The following ARL15 variants were observed in gnomAD, a reference collection of about 807,000 sequenced individuals.
The protein encoded by ARL15 is ARF like GTPase 15, also known as ADP-ribosylation factor-like protein 15.
ARL15 carries 19 observed loss-of-function variants against 25.2 expected under a neutral mutation model. That is an observed-to-expected ratio of 0.75 (90% CI 0.53 to 1.10). The LOEUF is 1.10. ARL15 is among the 50% of genes least tolerant of loss of function. The pLI is 0.00. For missense variants in ARL15, 220 were observed against 246.0 expected (o/e 0.89, Z 0.71); for synonymous variants, 94 against 86.8 (o/e 1.08, Z -0.46).
chr5:53,962,360 T>C (rs1206948067), intron 4 of ARL15, among the ~76,000 whole-genome samples: 6 of 152,098 alleles, frequency 3.9e-5, no homozygotes, highest in Admixed American at 6.6e-5. Flanking sequence ...TAATATAACA[T>C]ATCTGGAACT....
At chr5:53,940,579 C>A (rs531960320) in intron 4 of ARL15, among the ~76,000 whole-genome samples, 3 of 152,044 alleles carry the variant, frequency 2.0e-5, no homozygotes, top group African/African-American at 7.2e-5. Context: ...TCTAGTATAA[C>A]CTTAAATGCC....
At chr5:54,240,232 T>TAA (rs36061787) in intron 1 of ARL15, among the ~76,000 whole-genome samples, 1 of 132,780 alleles carries the variant, frequency 7.5e-6, no homozygotes, top group Admixed American at 7.7e-5. Context: ...ATCTCAAAAA[T>TAA]AAAAAAAAAA....
At chr5:54,006,641 T>C (rs1417430902) in intron 4 of ARL15, among the ~76,000 whole-genome samples, 1 of 152,132 alleles carries the variant, frequency 6.6e-6, no homozygotes, top group South Asian at 2.1e-4. Flanking sequence ...ATAACATTTA[T>C]TGATTTCCTT....
At chr5:54,171,690 A>C (rs1754722606) in intron 2 of ARL15, 94 bp downstream of exon 2, 1 of 1,371,082 alleles carries the variant, frequency 7.3e-7, no homozygotes, top group African/African-American at 1.5e-5. Flanking sequence ...AAAGCATTAA[A>C]CTATAAGTAG....
intron 4 of ARL15, among the ~76,000 whole-genome samples, chr5:53,991,563 G>T (rs564965141): frequency 7.8e-6 from 1 of 127,928 alleles, no homozygotes; most frequent in East Asian, 2.3e-4. Flanking sequence ...AAAAAAAAAG[G>T]GGGGGCGGGG....
At chr5:54,244,728 C>T (rs776020368) in intron 1 of ARL15, among the ~76,000 whole-genome samples, 3 of 151,924 alleles carry the variant, frequency 2.0e-5, no homozygotes, top group Admixed American at 2.0e-4. Context: ...AGCACTGTCC[C>T]TCCCCATCAT....
intron 4 of ARL15, among the ~76,000 whole-genome samples, chr5:53,914,136 C>CA (rs1261569814): frequency 1.1e-4 from 9 of 80,984 alleles, no homozygotes; most frequent in East Asian, 3.0e-4. Context: ...AGTGCACAGG[C>CA]CCACACACAC....
intron 4 of ARL15, 55 bp from the exon 5 acceptor site, chr5:53,886,768 C>A: frequency 1.4e-6 from 2 of 1,460,162 alleles, no homozygotes; most frequent in South Asian, 2.6e-5. Flanking sequence ...GAAACTTTCT[C>A]ATATCAAAAT....
At chr5:53,891,702 C>T (rs1213939997) in intron 4 of ARL15, among the ~76,000 whole-genome samples, 1 of 151,932 alleles carries the variant, frequency 6.6e-6, no homozygotes, top group African/African-American at 2.4e-5. Context: ...CTGTGAAAAA[C>T]TAGTGGATTA....
At chr5:53,989,930 A>G (rs943602723) in intron 4 of ARL15, among the ~76,000 whole-genome samples, 20 of 152,190 alleles carry the variant, frequency 1.3e-4, no homozygotes, top group Non-Finnish European at 2.4e-4. Context: ...GGAGGCATGA[A>G]AAAGTTTTAA....
chr5:54,035,972 T>C (rs983349034), intron 4 of ARL15, among the ~76,000 whole-genome samples: 8 of 151,896 alleles, frequency 5.3e-5, no homozygotes, highest in African/African-American at 1.5e-4. Context: ...CTAGGCAACA[T>C]AGCAAGATCC....
intron 4 of ARL15, among the ~76,000 whole-genome samples, chr5:54,070,094 A>G (rs1386447469): frequency 6.6e-6 from 1 of 151,166 alleles, no homozygotes; most frequent in Non-Finnish European, 1.5e-5. Flanking sequence ...GGGGTCTGTT[A>G]TAAAAGTTGG....
intron 1 of ARL15, among the ~76,000 whole-genome samples, chr5:54,207,592 G>C (rs978183876): frequency 6.6e-6 from 1 of 152,076 alleles, no homozygotes; most frequent in Non-Finnish European, 1.5e-5. Context: ...TTTTAAAAAA[G>C]ATAAACACAC....
intron 4 of ARL15, among the ~76,000 whole-genome samples, chr5:54,000,102 C>T (rs896400539): frequency 4.6e-5 from 7 of 152,076 alleles, no homozygotes; most frequent in African/African-American, 1.7e-4. Flanking sequence ...AGAAAAGCTA[C>T]ACTGCAGACT....
In ARL15 at chr5:54,240,246, AC is replaced by A. The variant is rs1377924842; in HGVS notation, c.49-68319del. Among the ~76,000 whole-genome samples the A allele has an allele frequency of 3.2e-3, 432 of 136,794 alleles. 1 individual carries two copies. The highest frequency in any genetic ancestry group is 4.9e-3 in the Non-Finnish European group (312 of 63,964). The allele number at this position is 136,794 out of a possible 152,430, so 89.7% of individuals were successfully genotyped here. A position where few individuals can be genotyped will look rare whatever the true frequency, so the allele number is the denominator to read the frequency against. On this transcript the variant is annotated intron_variant, in intron 1 of 4. Transcript: ENST00000504924. ...CATCTCAAAAATAAAAAAAAAAAAA[AC>A]ACATCGCCAATAATTTTTTTTTTTT...
At chr5:54,285,014 C>G (rs568851810) in intron 1 of ARL15, among the ~76,000 whole-genome samples, 1 of 152,082 alleles carries the variant, frequency 6.6e-6, no homozygotes, top group East Asian at 1.9e-4. Flanking sequence ...AACTGTAAAC[C>G]CATGAGACAT....
chr5:54,171,993 T>C (rs1322376338), intron 1 of ARL15, 65 bp from the exon 2 acceptor site: 3 of 1,558,670 alleles, frequency 1.9e-6, no homozygotes, highest in African/African-American at 2.7e-5. Context: ...CATAGTCACA[T>C]TTAAAATGAC....
intron 4 of ARL15, among the ~76,000 whole-genome samples, chr5:53,993,075 C>T (rs922957026): frequency 1.3e-5 from 2 of 151,034 alleles, no homozygotes; most frequent in African/African-American, 4.9e-5. Flanking sequence ...AAAAATGTGG[C>T]CATTTCTTTG....
At chr5:54,121,613 G>C (rs1158428351) in intron 3 of ARL15, among the ~76,000 whole-genome samples, 1 of 152,038 alleles carries the variant, frequency 6.6e-6, no homozygotes, top group Non-Finnish European at 1.5e-5. Context: ...TAATTTTTTT[G>C]AGAATTCAGT....
Sources: gnomAD v4.1 joint callset for allele counts (sites outside exome capture counted in the v4.1 genomes callset) on GRCh38, gnomAD v4.1.1 for gene constraint, MANE v1.5 for transcripts, NCBI Gene and HGNC (gene_info 2026-07-23, HGNC 2026-07-21) for gene names.